The following CIB4 variants were observed in gnomAD, a reference collection of about 807,000 sequenced individuals.
CIB4 encodes the protein calcium and integrin-binding family member 4.
CIB4 carries 25 observed loss-of-function variants against 25.8 expected under a neutral mutation model. The observed-to-expected ratio is 0.97, with a 90% CI of 0.71 to 1.35. The LOEUF (loss-of-function observed/expected upper bound fraction) is 1.35. Among genes scored for constraint, CIB4 ranks in the 40% most tolerant of loss-of-function variants. The pLI, the probability that CIB4 is intolerant of heterozygous loss-of-function variation, is 0.00. For synonymous variants in CIB4, 75 were observed against 81.4 expected (o/e 0.92, Z 0.42); for missense variants, 235 against 228.2 (o/e 1.03, Z -0.19).
intron 3 of CIB4, among the ~76,000 whole-genome samples, chr2:26,615,182 A>G (rs1662973): frequency 0.68 from 103,171 of 152,016 alleles, 35,247 homozygotes; most frequent in African/African-American, 0.75. Context: ...TCTGAATGCT[A>G]CTTCCCAGTA....
chr2:26,612,634 G>A (rs980213893), intron 3 of CIB4, among the ~76,000 whole-genome samples: 3 of 151,834 alleles, frequency 2.0e-5, no homozygotes, highest in South Asian at 2.1e-4. Flanking sequence ...CCCTTTTCTC[G>A]GTGATTCTTC....
At chr2:26,611,046 G>A (rs1488381691) in intron 3 of CIB4, among the ~76,000 whole-genome samples, 2 of 152,224 alleles carry the variant, frequency 1.3e-5, no homozygotes, top group Non-Finnish European at 2.9e-5. Context: ...GGGGAGAAGT[G>A]GAAAATGCCC....
chr2:26,583,976 C>A, intron 4 of CIB4, 78 bp from the exon 5 acceptor site: 1 of 910,248 alleles, frequency 1.1e-6, no homozygotes, highest in South Asian at 1.4e-5. Flanking sequence ...TCCTGGGGGA[C>A]ACAGCACCAG....
chr2:26,615,048 G>A (rs1244338042), intron 3 of CIB4, among the ~76,000 whole-genome samples: 1 of 152,182 alleles, frequency 6.6e-6, no homozygotes, highest in African/African-American at 2.4e-5. Flanking sequence ...AGTTGGCCCT[G>A]CAGTTGCCAG....
chr2:26,583,937 G>A (rs754777355), intron 4 of CIB4, 39 bp from the exon 5 acceptor site: 2 of 1,348,256 alleles, frequency 1.5e-6, no homozygotes, highest in East Asian at 2.3e-5. Flanking sequence ...GACGGAGCTG[G>A]GGGCTAAACA....
chr2:26,609,186 C>T (rs1490331406), intron 3 of CIB4, among the ~76,000 whole-genome samples: 1 of 152,176 alleles, frequency 6.6e-6, no homozygotes, highest in Non-Finnish European at 1.5e-5. Flanking sequence ...AAGGTGAGTC[C>T]TGTGAGTGGG....
chr2:26,629,043 G>T (rs1669362925), intron 3 of CIB4, among the ~76,000 whole-genome samples: 1 of 152,152 alleles, frequency 6.6e-6, no homozygotes, highest in Non-Finnish European at 1.5e-5. Flanking sequence ...AGACCCATAG[G>T]CTGGCCTCGG....
rs1166891668 is a variant in CIB4, at chr2:26,629,560, G to A, written c.90-54C>T. 7 of 1,264,652 alleles carry A rather than the reference G, an allele frequency of 5.5e-6. No homozygotes were observed. The South Asian group carries it at 6.4e-5, about 12-fold the overall frequency. The allele number at this position is 1,264,652 out of a possible 1,614,324, so 78.3% of individuals were successfully genotyped here. On this transcript the variant is annotated intron_variant, in intron 2 of 6. Transcript: ENST00000288861. The stretch of plus-strand genomic sequence containing the variant: ...GCCGGGGAAAGGAGGCCAGCACTGT[G>A]TGGCCGGGGAAAGGAGGCCAGCAAG...
intron 3 of CIB4, among the ~76,000 whole-genome samples, chr2:26,622,387 A>G (rs1004214688): frequency 4.6e-5 from 7 of 152,028 alleles, no homozygotes; most frequent in African/African-American, 1.7e-4. Flanking sequence ...AAATAATAAT[A>G]ATACAAAACA....
intron 3 of CIB4, among the ~76,000 whole-genome samples, chr2:26,619,183 C>T (rs1669153853): frequency 6.6e-6 from 1 of 152,208 alleles, no homozygotes; most frequent in South Asian, 2.1e-4. Context: ...ATGGTCTTTT[C>T]CCTCTGGGGA....
At chr2:26,588,373 T>G (rs749487411) in intron 4 of CIB4, among the ~76,000 whole-genome samples, 29 of 152,212 alleles carry the variant, frequency 1.9e-4, no homozygotes, top group Non-Finnish European at 3.4e-4. Flanking sequence ...TGGGAGGGGC[T>G]GGGGGCTGAG....
At chr2:26,629,604 G>T in intron 2 of CIB4, 98 bp from the exon 3 acceptor site, 3 of 766,510 alleles carry the variant, frequency 3.9e-6, no homozygotes, top group Non-Finnish European at 4.5e-6. Flanking sequence ...CTGCTGCAAG[G>T]GGTGGGGGTG....
rs1310340531 is a variant in CIB4 at position 26,641,302 on chromosome 2, A to G, written c.13T>C (p.Leu5=). The change falls in exon 1 of 7, where the codon TTG becomes CTG. Residue 5 remains leucine, a synonymous_variant. Coordinates refer to ENST00000288861, the MANE Select transcript of CIB4 (RefSeq NM_001029881.3). MGQC[L]RYQMHWEDLE... is the part of the protein sequence containing the mutation. ...TCCTCCCAGTGCATCTGATACCTCA[A>G]GCATTGCCCCATGCCAACCACACCT... 1 of 1,613,762 alleles carries G rather than the reference A, an allele frequency of 6.2e-7. No individual in the cohort carries two copies. Among genetic ancestry groups the G allele is most frequent in the Non-Finnish European group, 8.5e-7 (1 of 1,179,826 alleles).
At chr2:26,582,743 C>A (rs1326404213) in intron 6 of CIB4, 82 bp downstream of exon 6, 6 of 801,772 alleles carry the variant, frequency 7.5e-6, no homozygotes, top group Admixed American at 2.0e-5. Context: ...ACTGAGATGT[C>A]CCATGGAGTG....
At chr2:26,615,747 G>A (rs548109696) in intron 3 of CIB4, among the ~76,000 whole-genome samples, 11 of 152,352 alleles carry the variant, frequency 7.2e-5, no homozygotes, top group African/African-American at 1.4e-4. Context: ...GCCAGAGCCC[G>A]TCCCTCCACT....
chr2:26,589,847 C>A (rs1187583452), intron 4 of CIB4, among the ~76,000 whole-genome samples: 1 of 152,198 alleles, frequency 6.6e-6, no homozygotes, highest in Admixed American at 6.6e-5. Context: ...GTGGACTTAG[C>A]TGCACTTTGG....
Position 26,593,446 on chromosome 2 carries a change from C to T in CIB4, c.328+1730G>A, listed in dbSNP as rs1193031406. Among the ~76,000 whole-genome samples, 3 of 151,914 alleles carry T rather than the reference C, an allele frequency of 2.0e-5. No individual in the cohort carries two copies. The East Asian group carries it at 5.8e-4, about 29-fold the overall frequency. On this transcript the variant is annotated intron_variant, in intron 4 of 6. Coordinates refer to ENST00000288861, the MANE Select transcript of CIB4 (RefSeq NM_001029881.3). Reference sequence around the variant, plus strand: ...CATATATATACACACTATATATACCCACACATACACTCACATACATATACA... The same window carrying T: ...CATATATATACACACTATATATACCTACACATACACTCACATACATATACA...
At chr2:26,626,733 G>A (rs1034575424) in intron 3 of CIB4, among the ~76,000 whole-genome samples, 15 of 152,150 alleles carry the variant, frequency 9.9e-5, no homozygotes, top group Non-Finnish European at 1.9e-4. Context: ...AAAAGGTGAA[G>A]CATCCCAGCC....
intron 2 of CIB4, among the ~76,000 whole-genome samples, chr2:26,633,509 G>A (rs951445825): frequency 1.3e-5 from 2 of 152,144 alleles, no homozygotes; most frequent in African/African-American, 4.8e-5. Context: ...TCACCCCCCT[G>A]GAAAGTCCTC....
Sources: allele counts gnomAD v4.1 joint callset (sites outside exome capture counted in the v4.1 genomes callset), GRCh38; gene constraint gnomAD v4.1.1; transcripts MANE v1.5; gene names NCBI Gene and HGNC (gene_info 2026-07-23, HGNC 2026-07-21).